Variants in ZFYVE9 observed in about 807,000 individuals in gnomAD.
The protein encoded by ZFYVE9 is zinc finger FYVE-type containing 9.
Under a neutral mutation model 126.7 loss-of-function variants are expected in ZFYVE9, and 43 were observed. The ratio of observed to expected loss-of-function variants is 0.34; its 90% CI spans 0.27 to 0.44. The LOEUF (loss-of-function observed/expected upper bound fraction) is 0.44. ZFYVE9 is among the 20% of genes least tolerant of loss of function. The pLI is 1.00. For missense variants in ZFYVE9, 1,476 were observed against 1,697.0 expected (o/e 0.87, Z 2.29); for synonymous variants, 521 against 597.4 (o/e 0.87, Z 1.87).
intron 13 of ZFYVE9, among the ~76,000 whole-genome samples, chr1:52,316,463 C>A (rs1245487571): frequency 1.4e-5 from 2 of 139,858 alleles, no homozygotes; most frequent in Non-Finnish European, 3.0e-5. Context: ...CCAGCCTGGG[C>A]GACAGAGTGA....
intron 1 of ZFYVE9, among the ~76,000 whole-genome samples, chr1:52,207,475 G>C (rs1644988853): frequency 6.6e-6 from 1 of 152,194 alleles, no homozygotes; most frequent in South Asian, 2.1e-4. Flanking sequence ...GAAGCCCTGT[G>C]TGAATGTGGG....
intron 1 of ZFYVE9, among the ~76,000 whole-genome samples, chr1:52,154,099 T>A (rs1409754542): frequency 2.0e-5 from 3 of 152,238 alleles, no homozygotes; most frequent in Non-Finnish European, 4.4e-5. Flanking sequence ...AATCTTTCAC[T>A]GTGAAGTGAT....
chr1:52,305,629 G>A (rs908165658), intron 13 of ZFYVE9, among the ~76,000 whole-genome samples: 12 of 152,022 alleles, frequency 7.9e-5, no homozygotes, highest in African/African-American at 2.7e-4. Flanking sequence ...GAGTTGGTGG[G>A]GTGGGCCTCC....
In ZFYVE9 at chr1:52,326,311, A is replaced by G. The variant is rs566411455; in HGVS notation, c.3439-6457A>G. Among the ~76,000 whole-genome samples, 11 of 152,338 alleles carry G rather than the reference A, an allele frequency of 7.2e-5. No homozygotes were observed. The East Asian group carries it at 2.1e-3, about 29-fold the overall frequency. On this transcript the variant is annotated intron_variant, in intron 13 of 18. Transcript: ENST00000287727. ...TTTTAAGGTTGCTGTAAGGTTCAGTAGGCAGGGTAGGGAAGATGAGCATAC... is the reference window on the plus strand; with the variant it reads ...TTTTAAGGTTGCTGTAAGGTTCAGTGGGCAGGGTAGGGAAGATGAGCATAC...
chr1:52,253,824 C>T, intron 4 of ZFYVE9: 2 of 1,543,882 alleles, frequency 1.3e-6, no homozygotes, highest in Non-Finnish European at 1.8e-6. Context: ...ACATCCAATT[C>T]AGAAGAAAAA....
chr1:52,143,828 G>C (rs1644283988), intron 1 of ZFYVE9, among the ~76,000 whole-genome samples: 1 of 152,224 alleles, frequency 6.6e-6, no homozygotes, highest in Non-Finnish European at 1.5e-5. Flanking sequence ...CATCTAGGGA[G>C]AAAGTTTGGC....
chr1:52,151,608 C>T (rs1231030679), intron 1 of ZFYVE9, among the ~76,000 whole-genome samples: 5 of 151,408 alleles, frequency 3.3e-5, no homozygotes, highest in Admixed American at 6.6e-5. Context: ...CTCTGCCTCC[C>T]GGGTTCAAGC....
chr1:52,230,439 G>A (rs534965649), intron 2 of ZFYVE9, among the ~76,000 whole-genome samples: 1 of 151,362 alleles, frequency 6.6e-6, no homozygotes, highest in African/African-American at 2.4e-5. Context: ...ATCGTACTTA[G>A]AGGATGAGTC....
At chr1:52,288,925 CA>C (rs775138803) in intron 10 of ZFYVE9, among the ~76,000 whole-genome samples, 119 of 62,040 alleles carry the variant, frequency 1.9e-3, no homozygotes, top group East Asian at 5.4e-3. Flanking sequence ...GACTCTGTCT[CA>C]AAAAAAAAAA....
intron 1 of ZFYVE9, among the ~76,000 whole-genome samples, chr1:52,187,379 G>A (rs767516608): frequency 2.2e-4 from 33 of 152,130 alleles, no homozygotes; most frequent in Non-Finnish European, 3.7e-4. Context: ...AGACAGCCTA[G>A]GCAATACATT....
intron 2 of ZFYVE9, among the ~76,000 whole-genome samples, chr1:52,230,401 C>G (rs1316328635): frequency 5.9e-5 from 9 of 151,806 alleles, no homozygotes; most frequent in African/African-American, 1.9e-4. Context: ...GTGAACAACA[C>G]ACACCAGGGC....
chr1:52,314,856 G>A (rs1646169006), intron 13 of ZFYVE9, among the ~76,000 whole-genome samples: 3 of 151,954 alleles, frequency 2.0e-5, no homozygotes, highest in Non-Finnish European at 2.9e-5. Context: ...GGTGGTGGGC[G>A]CCTGTAGTCC....
At chr1:52,249,748 GT>G (rs920799944) in intron 4 of ZFYVE9, among the ~76,000 whole-genome samples, 1 of 152,086 alleles carries the variant, frequency 6.6e-6, no homozygotes, top group African/African-American at 2.4e-5. Flanking sequence ...GTGTTTTGCA[GT>G]TTTAGTGCTT....
intron 1 of ZFYVE9, among the ~76,000 whole-genome samples, chr1:52,199,536 C>A (rs1644903544): frequency 6.6e-6 from 1 of 152,142 alleles, no homozygotes; most frequent in Admixed American, 6.6e-5. Context: ...AGTGCTGAAT[C>A]TATTGTATGG....
intron 1 of ZFYVE9, among the ~76,000 whole-genome samples, chr1:52,176,195 T>G (rs974636737): frequency 6.6e-6 from 1 of 152,232 alleles, no homozygotes; most frequent in Non-Finnish European, 1.5e-5. Context: ...CCTTTCTGTT[T>G]GTTAGTTTTC....
In ZFYVE9 at chr1:52,266,661, C is replaced by T. The variant is rs1437070189; in HGVS notation, c.2285C>T (p.Ala762Val). 6.3e-7 allele frequency: 1 copy of T among 1,591,856 alleles called. No homozygotes were observed. Among genetic ancestry groups the T allele is most frequent in the Non-Finnish European group, 8.5e-7 (1 of 1,170,586 alleles). ...ICHSVLMNAQ[A>V]WENMMSASSQ... Reference sequence around the variant, plus strand: ...GTGTCTGTATTTGCTTTAGCTCAAGCCTGGGAGAACATGATGAGTGCCTCA... The same window carrying T: ...GTGTCTGTATTTGCTTTAGCTCAAGTCTGGGAGAACATGATGAGTGCCTCA... Residue 762 changes from alanine (A) to valine (V), a missense_variant, in exon 6 of 19, where the codon GCC becomes GTC. Physicochemically the swap from Ala to Val is moderately conservative, Grantham distance 64 (BLOSUM62 0). Around this residue, in one of 2 missense-constraint regions of ZFYVE9, gnomAD observed 669 missense variants for 902.4 expected, o/e 0.74. Transcript: ENST00000287727.
At chr1:52,301,368 C>T (rs1222582252) in intron 12 of ZFYVE9, among the ~76,000 whole-genome samples, 1 of 126,108 alleles carries the variant, frequency 7.9e-6, no homozygotes, top group Non-Finnish European at 1.6e-5. Context: ...GTGGCACAAT[C>T]ACGGCTCACT....
At chr1:52,328,098 C>T (rs1240282982) in intron 13 of ZFYVE9, among the ~76,000 whole-genome samples, 1 of 151,912 alleles carries the variant, frequency 6.6e-6, no homozygotes, top group Non-Finnish European at 1.5e-5. Flanking sequence ...AGGAGGGAGG[C>T]AAGATTTGGG....
intron 4 of ZFYVE9, among the ~76,000 whole-genome samples, chr1:52,256,154 C>T (rs1645517121): frequency 6.7e-6 from 1 of 150,056 alleles, no homozygotes. Context: ...CAGTCTCCAC[C>T]TCCTGGGTTC....
Sources: gnomAD v4.1 joint callset for allele counts (sites outside exome capture counted in the v4.1 genomes callset) on GRCh38, gnomAD v4.1.1 for gene constraint, gnomAD v4.1.1 regional missense constraint, MANE v1.5 for transcripts, NCBI Gene and HGNC (gene_info 2026-07-23, HGNC 2026-07-21) for gene names.